Variants in EPS15 observed in about 807,000 individuals in gnomAD.
EPS15 encodes epidermal growth factor receptor substrate 15.
A neutral mutation model predicts 113.8 loss-of-function variants in EPS15; 72 were observed. The ratio of observed to expected loss-of-function variants is 0.63; its 90% CI spans 0.52 to 0.77. EPS15 has a LOEUF of 0.77. Ranked by LOEUF, EPS15 falls within the 30% of genes least tolerant of loss-of-function variation. The probability of loss-of-function intolerance (pLI) is 0.00; values close to 1 mark genes in which losing one functional copy is unlikely to be tolerated. For synonymous variants in EPS15, 344 were observed against 363.4 expected (o/e 0.95, Z 0.61); for missense variants, 1,048 against 1,045.8 (o/e 1.00, Z -0.03).
At chr1:51,361,123 A>G (rs1557765187) in intron 24 of EPS15, 48 bp downstream of exon 24, 1 of 1,401,732 alleles carries the variant, frequency 7.1e-7, no homozygotes, top group Non-Finnish European at 9.9e-7. Context: ...TAATCTCTGA[A>G]AACTCTTTAA....
chr1:51,451,487 T>C (rs1468964403), intron 8 of EPS15, among the ~76,000 whole-genome samples: 12 of 71,214 alleles, frequency 1.7e-4, no homozygotes, highest in Non-Finnish European at 2.9e-4. Flanking sequence ...AGAGACTCCA[T>C]CTCAAAAAAA....
chr1:51,372,193 A>G (rs867868183), intron 21 of EPS15: 4 of 427,206 alleles, frequency 9.4e-6, no homozygotes, highest in Middle Eastern at 8.1e-4. Context: ...AGTAGTCTTC[A>G]CAGGAGTTGC....
intron 1 of EPS15, among the ~76,000 whole-genome samples, chr1:51,481,704 A>T (rs894425260): frequency 1.3e-5 from 2 of 152,250 alleles, no homozygotes; most frequent in Non-Finnish European, 2.9e-5. Flanking sequence ...CTATGAATAC[A>T]TTTCAAAAAC....
chr1:51,479,762 C>A (rs181733545), intron 2 of EPS15, among the ~76,000 whole-genome samples: 50 of 152,252 alleles, frequency 3.3e-4, no homozygotes, highest in Admixed American at 2.0e-3. Flanking sequence ...AGAATGACTT[C>A]TTTTATTCAA....
intron 20 of EPS15, 28 bp from the exon 21 acceptor site, chr1:51,394,475 G>A (rs748012658): frequency 6.7e-7 from 1 of 1,493,542 alleles, no homozygotes; most frequent in Non-Finnish European, 9.2e-7. Flanking sequence ...AACCATGAAT[G>A]AGAGAGGCAA....
intron 12 of EPS15, among the ~76,000 whole-genome samples, chr1:51,437,480 TA>T (rs1553126791): frequency 8.9e-4 from 128 of 143,872 alleles, no homozygotes; most frequent in African/African-American, 2.2e-3. Flanking sequence ...ATCCCTGGAC[TA>T]AAAAAAAAAA....
At chr1:51,500,150 C>T (rs190562494) in intron 1 of EPS15, among the ~76,000 whole-genome samples, 1 of 152,296 alleles carries the variant, frequency 6.6e-6, no homozygotes, top group Admixed American at 6.5e-5. Flanking sequence ...GTCAAAAATA[C>T]TCCGTTGCAT....
intron 21 of EPS15, among the ~76,000 whole-genome samples, chr1:51,381,104 T>C (rs1646930260): frequency 6.9e-6 from 1 of 145,280 alleles, no homozygotes; most frequent in Non-Finnish European, 1.5e-5. Context: ...CTTCAATATC[T>C]CACTTTCAAT....
chr1:51,363,789 T>C, intron 23 of EPS15, 77 bp downstream of exon 23: 1 of 1,363,126 alleles, frequency 7.3e-7, no homozygotes, highest in Non-Finnish European at 9.9e-7. Flanking sequence ...GCCATTTATA[T>C]AAGTAAGTTC....
chr1:51,432,679 CCA>C (rs1465162633), intron 12 of EPS15, among the ~76,000 whole-genome samples: 1 of 152,036 alleles, frequency 6.6e-6, no homozygotes, highest in East Asian at 1.9e-4. Flanking sequence ...TGCTCAATCA[CCA>C]CACAGCTAGT....
At chr1:51,441,766 T>G (rs1457590374) in intron 11 of EPS15, among the ~76,000 whole-genome samples, 1 of 152,124 alleles carries the variant, frequency 6.6e-6, no homozygotes, top group Admixed American at 6.6e-5. Flanking sequence ...AGAAACAGAT[T>G]AAATAACTTG....
At chr1:51,366,105 C>CT in intron 21 of EPS15, 76 bp from the exon 22 acceptor site, 9 of 969,064 alleles carry the variant, frequency 9.3e-6, no homozygotes, top group Non-Finnish European at 1.4e-5. Flanking sequence ...CTCACTCTGT[C>CT]CACCCAGCCT....
At chr1:51,391,925 G>A (rs1243533268) in intron 21 of EPS15, among the ~76,000 whole-genome samples, 1 of 152,150 alleles carries the variant, frequency 6.6e-6, no homozygotes, top group East Asian at 1.9e-4. Context: ...ACATTCAAGT[G>A]GAGATGCCAA....
Position 51,463,527 on chromosome 1 carries a change from TAA to T in EPS15, c.501+144_501+145del. ...ATATGCTGGCAATAATTTTATACATTAAGTCAGAAAACAAAAAATCCTATAAT... is the reference window on the plus strand; with the variant it reads ...ATATGCTGGCAATAATTTTATACATTGTCAGAAAACAAAAAATCCTATAAT... On this transcript the variant is annotated intron_variant, in intron 7 of 24. Transcript: ENST00000371733. The T allele has an allele frequency of 7.7e-6, 4 of 516,408 alleles. No homozygotes were observed. The South Asian group carries it at 1.1e-4, about 14-fold the overall frequency. 32.0% of individuals were successfully genotyped at this position (516,408 alleles called of 1,614,324 possible).
intron 13 of EPS15, among the ~76,000 whole-genome samples, chr1:51,413,573 CTATT>C (rs1479016831): frequency 1.3e-5 from 2 of 152,132 alleles, no homozygotes; most frequent in East Asian, 1.9e-4. Context: ...TAAACTATAG[CTATT>C]TATTAATACC....
intron 5 of EPS15, 119 bp downstream of exon 5, chr1:51,468,354 G>GT: frequency 1.3e-6 from 1 of 754,160 alleles, no homozygotes; most frequent in Non-Finnish European, 2.3e-6. Flanking sequence ...AAAAAGCCAA[G>GT]TAGCTGAGTG....
At chr1:51,372,891 T>G in intron 21 of EPS15, 2 of 789,034 alleles carry the variant, frequency 2.5e-6, no homozygotes, top group Non-Finnish European at 3.7e-6. Flanking sequence ...AGGAGCTACC[T>G]GGAAAAAACA....
chr1:51,458,392 A>T (rs999484033), intron 8 of EPS15: 41 of 222,426 alleles, frequency 1.8e-4, no homozygotes, highest in Non-Finnish European at 3.3e-4. Context: ...CTTAGCATGC[A>T]CTACTGTTTA....
At chr1:51,379,198 C>T (rs918920716) in intron 21 of EPS15, among the ~76,000 whole-genome samples, 2 of 152,170 alleles carry the variant, frequency 1.3e-5, no homozygotes, top group Non-Finnish European at 2.9e-5. Context: ...TGGCTTACTG[C>T]AACCTCTGCC....
Sources: gnomAD v4.1 joint callset for allele counts (sites outside exome capture counted in the v4.1 genomes callset) on GRCh38, gnomAD v4.1.1 for gene constraint, MANE v1.5 for transcripts, NCBI Gene and HGNC (gene_info 2026-07-23, HGNC 2026-07-21) for gene names.